Variants in TDG observed in about 807,000 individuals in gnomAD.
TDG encodes the protein thymine DNA glycosylase.
Under a neutral mutation model 46.1 loss-of-function variants are expected in TDG, and 23 were observed. That is an observed-to-expected ratio of 0.50 (90% CI 0.36 to 0.71). The LOEUF is 0.71. TDG is among the 30% of genes least tolerant of loss of function. The pLI, the probability that TDG is intolerant of heterozygous loss-of-function variation, is 0.00. For missense variants in TDG, 304 were observed against 486.7 expected, an observed-to-expected ratio of 0.62 and a Z score of 3.53; for synonymous variants, 115 against 161.3, an observed-to-expected ratio of 0.71 and a Z score of 2.18.
At chr12:103,981,714 T>G (rs1217368471) in intron 4 of TDG, among the ~76,000 whole-genome samples, 1 of 152,098 alleles carries the variant, frequency 6.6e-6, no homozygotes, top group East Asian at 1.9e-4. Flanking sequence ...GAGTAAGTTT[T>G]AAAACCAAGT....
chr12:103,985,401 C>A (rs1036658693), intron 8 of TDG, among the ~76,000 whole-genome samples: 1 of 152,002 alleles, frequency 6.6e-6, no homozygotes, highest in African/African-American at 2.4e-5. Context: ...AAATATTGTA[C>A]CCTACGTAAA....
intron 1 of TDG, among the ~76,000 whole-genome samples, chr12:103,971,542 C>T (rs4135059): frequency 0.76 from 115,607 of 151,874 alleles, 44,258 homozygotes; most frequent in East Asian, 1. Flanking sequence ...GGTGACAGAG[C>T]GAGACTCTGT....
intron 7 of TDG, among the ~76,000 whole-genome samples, chr12:103,983,717 G>A (rs1442111586): frequency 1.3e-5 from 2 of 152,168 alleles, no homozygotes; most frequent in Non-Finnish European, 2.9e-5. Flanking sequence ...CCCTCGTACT[G>A]TTGTGAAACA....
Position 103,986,944 on chromosome 12 carries a change from G to A in TDG, c.1091-4G>A, listed in dbSNP as rs1264680946. ...AAACTAACTTTGTTTTTCTTTTCTG[G>A]CAGTTGAGAGCGTGGAGTTAAGAGG... On this transcript the variant is annotated splice_polypyrimidine_tract_variant and splice_region_variant and intron_variant, in intron 9 of 9. Transcript: ENST00000392872. 4.1e-6 allele frequency: 3 copies of A among 737,362 alleles called. No individual in the cohort carries two copies. Among genetic ancestry groups the A allele is most frequent in the African/African-American group, 5.1e-5 (1 of 19,626 alleles). The allele number at this position is 737,362 out of a possible 1,614,324, so 45.7% of individuals were successfully genotyped here. A position where few individuals can be genotyped will look rare whatever the true frequency, so the allele number is the denominator to read the frequency against.
chr12:103,977,128 A>G (rs905839191), intron 2 of TDG, 68 bp downstream of exon 2: 13 of 1,555,938 alleles, frequency 8.4e-6, no homozygotes, highest in African/African-American at 1.4e-5. Flanking sequence ...AAAGGGTTTC[A>G]TGGTGAATTT....
rs1417236223 is a variant in TDG at position 103,988,444 on chromosome 12, G to T, written c.*1354G>T. On this transcript the variant is annotated 3_prime_UTR_variant, in exon 10 of 10. Transcript: ENST00000392872. ...TTTATTTTTTCCTAGGTCAAGCTGTGTAAAAGTCATTTATGTTATTTAAAT... is the reference window on the plus strand; with the variant it reads ...TTTATTTTTTCCTAGGTCAAGCTGTTTAAAAGTCATTTATGTTATTTAAAT... The T allele has an allele frequency of 6.5e-6, 1 of 152,758 alleles. No homozygotes were observed. Among genetic ancestry groups the T allele is most frequent in the South Asian group, 2.1e-4 (1 of 4,838 alleles). The allele number at this position is 152,758 out of a possible 1,614,324, so 9.5% of individuals were successfully genotyped here.
intron 1 of TDG, among the ~76,000 whole-genome samples, chr12:103,974,836 G>A (rs1410131190): frequency 9.2e-5 from 14 of 151,986 alleles, no homozygotes; most frequent in Admixed American, 8.5e-4. Context: ...AGCTGGGTGT[G>A]GTGGTGGGGG....
intron 3 of TDG, chr12:103,980,359 A>T (rs1871763815): frequency 5.7e-6 from 2 of 351,808 alleles, no homozygotes; most frequent in Non-Finnish European, 1.0e-5. Flanking sequence ...GGGTGATAAT[A>T]CCACCCCCCG....
At chr12:103,967,407 C>G (rs1274439126) in intron 1 of TDG, among the ~76,000 whole-genome samples, 2 of 151,130 alleles carry the variant, frequency 1.3e-5, no homozygotes, top group African/African-American at 2.4e-5. Context: ...TCACCCTTGA[C>G]TGTGCTAATC....
At chr12:103,985,003 A>G in intron 8 of TDG, 83 bp downstream of exon 8, 2 of 1,140,076 alleles carry the variant, frequency 1.8e-6, no homozygotes, top group East Asian at 3.2e-5. Context: ...ACACATATAC[A>G]TATATACATA....
At position 103,987,854 on chromosome 12, in the gene TDG, A is replaced by G. The variant is rs537755130; in HGVS notation, c.*764A>G. 2.6e-5 allele frequency: 4 copies of G among 152,740 alleles called. No individual in the cohort carries two copies. Among genetic ancestry groups the G allele is most frequent in the South Asian group, 2.1e-4 (1 of 4,828 alleles). 9.5% of individuals were successfully genotyped at this position (152,740 alleles called of 1,614,324 possible). A position where few individuals can be genotyped will look rare whatever the true frequency, so the allele number is the denominator to read the frequency against. ...CTGAATTTCTCCATTCATATTTATA[A>G]CCATTCTAGTTTTATCTTCCTTGGC... On this transcript the variant is annotated 3_prime_UTR_variant, in exon 10 of 10. Coordinates refer to ENST00000392872, the MANE Select transcript of TDG (RefSeq NM_003211.6).
At chr12:103,966,097 C>T (rs1188513825) in intron 1 of TDG, 37 bp downstream of exon 1, 5 of 1,537,274 alleles carry the variant, frequency 3.3e-6, no homozygotes, top group East Asian at 2.5e-5. Context: ...CCCTTGCGCC[C>T]CTCACTGCTG....
At chr12:103,985,166 TACACACACACACACACACAC>T (rs375705839) in intron 8 of TDG, among the ~76,000 whole-genome samples, 8,720 of 138,576 alleles carry the variant, frequency 0.063, 379 homozygotes, top group South Asian at 0.1. Context: ...TATAGACACA[TACACACACACACACACACAC>T]ACACACACAC....
chr12:103,968,808 T>TA lies in TDG; in HGVS notation c.23+2750dup, dbSNP rs548072290. Among the ~76,000 whole-genome samples, 58 of 152,360 alleles carry TA rather than the reference T, an allele frequency of 3.8e-4. 1 individual carries two copies. In the South Asian group the frequency reaches 0.012, roughly 31 times the overall value. ...ATTGATCCTGAACAAAATTTTTACT[T>TA]AATCAATGGTTACTGAGCATTTTTA... On this transcript the variant is annotated intron_variant, in intron 1 of 9. Transcript: ENST00000392872.
intron 1 of TDG, among the ~76,000 whole-genome samples, chr12:103,973,916 CTTTATT>C (rs1181903089): frequency 1.2e-4 from 18 of 152,274 alleles, no homozygotes; most frequent in East Asian, 5.8e-4. Flanking sequence ...TAAGTCATAA[CTTTATT>C]TTTATTTAAT....
rs769530834 is a variant in TDG at position 103,980,091 on chromosome 12, T to C, written c.408+19T>C. The C allele has an allele frequency of 1.9e-6, 3 of 1,612,070 alleles. No individual in the cohort carries two copies. In the South Asian group the frequency reaches 3.3e-5, roughly 18 times the overall value. On this transcript the variant is annotated intron_variant, in intron 3 of 9. Coordinates refer to ENST00000392872, the MANE Select transcript of TDG (RefSeq NM_003211.6). ...TGTCATTGTAAGATCTTTGTCCTCG[T>C]TGGATTTTATAAGTAGTATTGGGGG...
chr12:103,984,971 A>C, intron 8 of TDG, 51 bp downstream of exon 8: 2 of 1,405,972 alleles, frequency 1.4e-6, no homozygotes, highest in Non-Finnish European at 1.9e-6. Flanking sequence ...GTATATATAC[A>C]CATATATACT....
intron 9 of TDG, among the ~76,000 whole-genome samples, chr12:103,986,022 C>A (rs1872137299): frequency 6.6e-6 from 1 of 152,144 alleles, no homozygotes; most frequent in South Asian, 2.1e-4. Context: ...TGGGTTCACA[C>A]CATTCTCCTG....
intron 1 of TDG, chr12:103,973,039 T>G (rs1593509209): frequency 2.8e-6 from 2 of 701,930 alleles, no homozygotes; most frequent in Non-Finnish European, 5.2e-6. Flanking sequence ...GAGTGGTAGG[T>G]AGATTGCCTT....
Sources: allele counts gnomAD v4.1 joint callset (sites outside exome capture counted in the v4.1 genomes callset), GRCh38; gene constraint gnomAD v4.1.1; transcripts MANE v1.5; gene names NCBI Gene and HGNC (gene_info 2026-07-23, HGNC 2026-07-21).